The following CREBBP variants were observed in gnomAD, a reference collection of about 807,000 sequenced individuals.
CREBBP encodes the protein CREB-binding protein.
Under a neutral mutation model 265.0 loss-of-function variants are expected in CREBBP, and 19 were observed. The observed-to-expected ratio is 0.07, with a 90% CI of 0.05 to 0.11. The LOEUF (loss-of-function observed/expected upper bound fraction) is 0.11. Ranked by LOEUF, CREBBP falls within the 10% of genes least tolerant of loss-of-function variation. CREBBP has a pLI of 1.00. For synonymous variants in CREBBP, 1,457 were observed against 1,223.7 expected (o/e 1.19, Z -3.98); for missense variants, 2,525 against 3,219.0 (o/e 0.78, Z 5.22).
At chr16:3,747,917 G>A (rs1178374491) in intron 21 of CREBBP, among the ~76,000 whole-genome samples, 12 of 152,020 alleles carry the variant, frequency 7.9e-5, no homozygotes, top group Non-Finnish European at 1.8e-4. Flanking sequence ...GTGAAACCCC[G>A]TCTCTACTAA....
Position 3,769,289 on chromosome 16 carries a change from T to C in CREBBP, c.2945A>G (p.Glu982Gly), listed in dbSNP as rs1228378010. 2 of 1,614,130 alleles carry C rather than the reference T, an allele frequency of 1.2e-6. No homozygotes were observed. Among genetic ancestry groups the C allele is most frequent in the Non-Finnish European group, 1.7e-6 (2 of 1,180,024 alleles). The change falls in exon 15 of 31, where the codon GAA (glutamate) becomes GGA (glycine). Residue 982 changes from glutamate to glycine, a missense_variant. Around this residue, in one of 19 missense-constraint regions of CREBBP, gnomAD observed 548 missense variants for 533.0 expected, o/e 1.03. Coordinates refer to ENST00000262367, the MANE Select transcript of CREBBP (RefSeq NM_004380.3). ...AGGTCCTGGCTGCTGGGAATTGGTT[T>C]CTGCGCTGGCCACCGAGGAGGGGGT... ...VPTPSSVASA[E>G]TNSQQPGPDV...
intron 2 of CREBBP, among the ~76,000 whole-genome samples, chr16:3,817,511 T>A (rs1026975441): frequency 2.6e-5 from 4 of 152,204 alleles, no homozygotes; most frequent in Admixed American, 2.0e-4. Context: ...AAGTGAGATC[T>A]AGTCTCGTAA....
rs1184155513 is a variant in CREBBP, at chr16:3,810,728, C to T, written c.850G>A (p.Gly284Arg). 1.2e-6 allele frequency: 2 copies of T among 1,613,794 alleles called. No individual in the cohort carries two copies. The highest frequency in any genetic ancestry group is 1.3e-5 in the African/African-American group (1 of 74,876). ...SPFGQPFSQA[G>R]GQPMGATGVN... ...CCAGTGGCTCCCATTGGCTGCCCTC[C>T]AGCTTGACTAAAGGGCTGTCCAAAT... is the stretch of plus-strand genomic sequence containing the variant. Residue 284 changes from glycine (G) to arginine (R), a missense_variant, in exon 3 of 31, where the codon GGA becomes AGA. Gly to Arg is a moderately radical substitution (Grantham distance 125, BLOSUM62 -2). This residue lies in a region of CREBBP where 126 missense variants were observed against 171.9 expected (regional missense o/e 0.73). Transcript: ENST00000262367.
chr16:3,735,659 A>G (rs1208468176), intron 28 of CREBBP, among the ~76,000 whole-genome samples: 1 of 152,140 alleles, frequency 6.6e-6, no homozygotes, highest in African/African-American at 2.4e-5. Context: ...CCAAGGAGAG[A>G]GGGCAGCAGG....
At chr16:3,843,797 C>T (rs1042517176) in intron 2 of CREBBP, among the ~76,000 whole-genome samples, 6 of 152,032 alleles carry the variant, frequency 3.9e-5, no homozygotes, top group Non-Finnish European at 7.4e-5. Context: ...TGAAGTCTCT[C>T]AATTCTTCAT....
chr16:3,843,397 A>G (rs1467904908), intron 2 of CREBBP, among the ~76,000 whole-genome samples: 1 of 150,946 alleles, frequency 6.6e-6, no homozygotes, highest in Non-Finnish European at 1.5e-5. Flanking sequence ...CAATATTTAT[A>G]GAAAATAGCA....
At chr16:3,831,356 A>C (rs1314619043) in intron 2 of CREBBP, among the ~76,000 whole-genome samples, 1 of 152,230 alleles carries the variant, frequency 6.6e-6, no homozygotes, top group Non-Finnish European at 1.5e-5. Context: ...TGCAATTAAC[A>C]ACAGTATTTG....
intron 2 of CREBBP, among the ~76,000 whole-genome samples, chr16:3,829,619 G>C (rs527623461): frequency 5.3e-5 from 8 of 152,296 alleles, no homozygotes; most frequent in Admixed American, 4.6e-4. Flanking sequence ...AAGGAACAGG[G>C]CTTCAAGACC....
intron 2 of CREBBP, among the ~76,000 whole-genome samples, chr16:3,827,088 A>G (rs2054251805): frequency 6.6e-6 from 1 of 152,124 alleles, no homozygotes; most frequent in Non-Finnish European, 1.5e-5. Context: ...CCAGGAATTC[A>G]AGGCTGTAGT....
At chr16:3,828,889 A>G (rs1356417768) in intron 2 of CREBBP, among the ~76,000 whole-genome samples, 3 of 152,208 alleles carry the variant, frequency 2.0e-5, no homozygotes, top group African/African-American at 7.2e-5. Context: ...AAGCAAGATC[A>G]TGTTTGCAAA....
intron 3 of CREBBP, among the ~76,000 whole-genome samples, chr16:3,809,701 G>A (rs777318036): frequency 6.6e-6 from 1 of 152,192 alleles, no homozygotes; most frequent in Non-Finnish European, 1.5e-5. Flanking sequence ...GCTGGATGAG[G>A]TGAAAGATAT....
intron 2 of CREBBP, 38 bp downstream of exon 2, chr16:3,850,258 GT>G: frequency 6.2e-7 from 1 of 1,608,026 alleles, no homozygotes; most frequent in Non-Finnish European, 8.5e-7. Flanking sequence ...AAAGCCCGCG[GT>G]TAGGTAGGAA....
At chr16:3,845,000 GTCACATCCCTCCTAAAA>G (rs1443969129) in intron 2 of CREBBP, among the ~76,000 whole-genome samples, 1 of 152,120 alleles carries the variant, frequency 6.6e-6, no homozygotes, top group African/African-American at 2.4e-5. Context: ...CTGTTAAAAT[GTCACATCCCTCCTAAAA>G]TGACTTATAA....
intron 16 of CREBBP, among the ~76,000 whole-genome samples, chr16:3,765,324 C>T (rs2052825379): frequency 6.6e-6 from 1 of 152,200 alleles, no homozygotes; most frequent in Admixed American, 6.5e-5. Context: ...CTGCCTATCT[C>T]CTCACACAGA....
intron 2 of CREBBP, among the ~76,000 whole-genome samples, chr16:3,849,589 T>C (rs1219589101): frequency 7.4e-6 from 1 of 135,880 alleles, no homozygotes; most frequent in African/African-American, 2.7e-5. Flanking sequence ...CAGGCTGGTC[T>C]CAAACTCCTA....
intron 2 of CREBBP, among the ~76,000 whole-genome samples, chr16:3,813,591 C>A (rs1385787041): frequency 2.0e-5 from 3 of 152,078 alleles, no homozygotes; most frequent in East Asian, 1.9e-4. Context: ...CGAACAACAA[C>A]AAAAAATATA....
intron 20 of CREBBP, among the ~76,000 whole-genome samples, chr16:3,750,637 A>C (rs914492860): frequency 6.6e-6 from 1 of 152,264 alleles, no homozygotes; most frequent in African/African-American, 2.4e-5. Flanking sequence ...GCCGGATAAT[A>C]AACACTGGAA....
At chr16:3,849,490 A>T (rs12927509) in intron 2 of CREBBP, among the ~76,000 whole-genome samples, 23 of 62,048 alleles carry the variant, frequency 3.7e-4, no homozygotes, top group South Asian at 1.2e-3. Flanking sequence ...TGTGTGTGTG[A>T]TGTGCGTGAC....
Position 3,880,009 on chromosome 16 carries a change from A to G in CREBBP, c.-93T>C, listed in dbSNP as rs1404640070. 2 of 1,160,524 alleles carry G rather than the reference A, an allele frequency of 1.7e-6. No homozygotes were observed. Among genetic ancestry groups the G allele is most frequent in the Non-Finnish European group, 1.1e-6 (1 of 884,970 alleles). The allele number at this position is 1,160,524 out of a possible 1,614,324, so 71.9% of individuals were successfully genotyped here. ...GGGGGCCCTGCCGGCTGCGAGGGAG[A>G]GGAGCGAGCGCGGGCCGCGAGCGGG... On this transcript the variant is annotated 5_prime_UTR_variant, in exon 1 of 31. Transcript: ENST00000262367.
Sources: gnomAD v4.1 joint callset for allele counts (sites outside exome capture counted in the v4.1 genomes callset) on GRCh38, gnomAD v4.1.1 for gene constraint, gnomAD v4.1.1 regional missense constraint, MANE v1.5 for transcripts, NCBI Gene and HGNC (gene_info 2026-07-23, HGNC 2026-07-21) for gene names.